The following ILRUN variants were observed in gnomAD, a reference collection of about 807,000 sequenced individuals.
ILRUN encodes the protein inflammation and lipid regulator with UBA-like and NBR1-like domains.
In ILRUN, 3 loss-of-function variants were observed where a neutral mutation model predicts 33.8. The observed-to-expected ratio is 0.09, with a 90% CI of 0.04 to 0.23. The LOEUF is 0.23. ILRUN is among the 10% of genes least tolerant of loss of function. The pLI is 1.00. For missense variants in ILRUN, 210 were observed against 375.1 expected (o/e 0.56, Z 3.64); for synonymous variants, 124 against 138.9 (o/e 0.89, Z 0.75).
chr6:34,597,968 G>A (rs1021054469), intron 4 of ILRUN, among the ~76,000 whole-genome samples: 6 of 152,036 alleles, frequency 3.9e-5, no homozygotes, highest in Admixed American at 1.3e-4. Context: ...TGCTTTGGCC[G>A]TCCCCAAATT....
intron 4 of ILRUN, among the ~76,000 whole-genome samples, chr6:34,598,000 A>T (rs1415510156): frequency 6.6e-6 from 1 of 152,160 alleles, no homozygotes; most frequent in Admixed American, 6.5e-5. Context: ...TTAAAAGTCA[A>T]CTAGAATTCA....
chr6:34,658,782 T>C (rs888997406), intron 1 of ILRUN, among the ~76,000 whole-genome samples: 2 of 152,132 alleles, frequency 1.3e-5, no homozygotes, highest in African/African-American at 2.4e-5. Flanking sequence ...CACTCCAGCC[T>C]GGGCAACAGG....
chr6:34,673,717 G>A (rs1763164397), intron 1 of ILRUN, among the ~76,000 whole-genome samples: 1 of 152,092 alleles, frequency 6.6e-6, no homozygotes, highest in Admixed American at 6.6e-5. Context: ...TGTAGTTCCA[G>A]GTACTAGAGT....
At chr6:34,642,520 T>C (rs1762493001) in intron 3 of ILRUN, among the ~76,000 whole-genome samples, 1 of 152,078 alleles carries the variant, frequency 6.6e-6, no homozygotes, top group African/African-American at 2.4e-5. Context: ...AAACACGGCT[T>C]TACCACTGTG....
At position 34,677,727 on chromosome 6, in the gene ILRUN, T is replaced by C. The variant is rs185943311; in HGVS notation, c.158+18719A>G. On this transcript the variant is annotated intron_variant, in intron 1 of 4. Transcript: ENST00000374023. ...ACTTTGGGATGCTGAGGTGGGAAGA[T>C]TGCTTGCACCCAGGAGTTCGAGGCC... Among the ~76,000 whole-genome samples the C allele has an allele frequency of 1.2e-4, 18 of 152,134 alleles. 1 individual carries two copies. Among genetic ancestry groups the C allele is most frequent in the Admixed American group, 8.5e-4 (13 of 15,276 alleles).
chr6:34,647,717 A>G (rs1762586307), intron 2 of ILRUN, among the ~76,000 whole-genome samples: 1 of 152,138 alleles, frequency 6.6e-6, no homozygotes, highest in African/African-American at 2.4e-5. Flanking sequence ...GGCGCCCATT[A>G]CCACGCCTGG....
chr6:34,696,343 A>G, intron 1 of ILRUN, 103 bp downstream of exon 1: 1 of 1,270,560 alleles, frequency 7.9e-7, no homozygotes, highest in Non-Finnish European at 1.1e-6. Flanking sequence ...GGTGGCCCTC[A>G]GTACCCGCCT....
intron 1 of ILRUN, among the ~76,000 whole-genome samples, chr6:34,669,907 A>T (rs1439687295): frequency 6.6e-6 from 1 of 151,772 alleles, no homozygotes; most frequent in Non-Finnish European, 1.5e-5. Flanking sequence ...ATGTGGAGAA[A>T]AGGCAACTCT....
At chr6:34,644,989 G>A (rs1045310872) in intron 3 of ILRUN, among the ~76,000 whole-genome samples, 2 of 152,188 alleles carry the variant, frequency 1.3e-5, no homozygotes, top group Non-Finnish European at 2.9e-5. Context: ...TATATCCTGT[G>A]CCAAGGAGTT....
chr6:34,621,411 TA>T (rs1244089196), intron 3 of ILRUN, among the ~76,000 whole-genome samples: 1 of 152,170 alleles, frequency 6.6e-6, no homozygotes, highest in Non-Finnish European at 1.5e-5. Flanking sequence ...ATGAAACAAT[TA>T]TGCAAAATAT....
intron 3 of ILRUN, among the ~76,000 whole-genome samples, chr6:34,639,268 G>C (rs1393895616): frequency 6.6e-6 from 1 of 152,152 alleles, no homozygotes; most frequent in Non-Finnish European, 1.5e-5. Context: ...AATGTCCCTA[G>C]GGACCCATAT....
chr6:34,642,455 T>TA (rs1417180623), intron 3 of ILRUN, among the ~76,000 whole-genome samples: 1 of 152,118 alleles, frequency 6.6e-6, no homozygotes, highest in Non-Finnish European at 1.5e-5. Context: ...ATGGAAATCT[T>TA]AAGCAAGGGG....
chr6:34,635,298 G>A (rs1762335871), intron 3 of ILRUN, among the ~76,000 whole-genome samples: 1 of 152,118 alleles, frequency 6.6e-6, no homozygotes, highest in East Asian at 1.9e-4. Context: ...GGGAGGCCGA[G>A]GCAGGTGGAC....
intron 4 of ILRUN, among the ~76,000 whole-genome samples, chr6:34,595,440 C>G (rs1397934396): frequency 6.6e-6 from 1 of 152,330 alleles, no homozygotes; most frequent in East Asian, 1.9e-4. Flanking sequence ...GCAGTGCTAT[C>G]AGAAGAGTAG....
intron 3 of ILRUN, chr6:34,617,105 G>C: frequency 3.8e-6 from 2 of 531,688 alleles, no homozygotes; most frequent in Non-Finnish European, 3.7e-6. Context: ...TATACTGTTG[G>C]AAAATGCTTC....
In ILRUN at chr6:34,589,118, G is replaced by C. The variant is rs1423630060; in HGVS notation, c.*1447C>G. ...AACCAACTAAGACTTGAGGGAAGGA[G>C]GGGGGTAAGAGGGACTTTGCATATT... On this transcript the variant is annotated 3_prime_UTR_variant, in exon 5 of 5. Transcript: ENST00000374023. The C allele has an allele frequency of 1.3e-5, 2 of 153,220 alleles. No individual in the cohort carries two copies. Among genetic ancestry groups the C allele is most frequent in the African/African-American group, 4.8e-5 (2 of 41,482 alleles). The allele number at this position is 153,220 out of a possible 1,614,324, so 9.5% of individuals were successfully genotyped here. A position where few individuals can be genotyped will look rare whatever the true frequency, so the allele number is the denominator to read the frequency against.
At chr6:34,675,961 T>C (rs1366781924) in intron 1 of ILRUN, among the ~76,000 whole-genome samples, 1 of 151,888 alleles carries the variant, frequency 6.6e-6, no homozygotes, top group Non-Finnish European at 1.5e-5. Flanking sequence ...TGGTTAAGAG[T>C]GTAGCAAAAC....
chr6:34,684,472 C>G (rs1763472951), intron 1 of ILRUN, among the ~76,000 whole-genome samples: 1 of 152,142 alleles, frequency 6.6e-6, no homozygotes, highest in Non-Finnish European at 1.5e-5. Context: ...AAAAATTAAG[C>G]CTTTTCTCCC....
At chr6:34,596,411 G>A (rs1761401325) in intron 4 of ILRUN, among the ~76,000 whole-genome samples, 1 of 152,062 alleles carries the variant, frequency 6.6e-6, no homozygotes, top group Non-Finnish European at 1.5e-5. Context: ...CTACCTCCTG[G>A]GTTCAAGCAA....
Sources: allele counts gnomAD v4.1 joint callset (sites outside exome capture counted in the v4.1 genomes callset), GRCh38; gene constraint gnomAD v4.1.1; transcripts MANE v1.5; gene names NCBI Gene and HGNC (gene_info 2026-07-23, HGNC 2026-07-21).